Variants in CSMD1 observed in about 807,000 individuals in gnomAD.
The protein encoded by CSMD1 is CUB and sushi domain-containing protein 1.
CSMD1 carries 213 observed loss-of-function variants against 417.5 expected under a neutral mutation model. That is an observed-to-expected ratio of 0.51 (90% CI 0.46 to 0.57). CSMD1 has a LOEUF of 0.57. Ranked by LOEUF, CSMD1 falls within the 20% of genes least tolerant of loss-of-function variation. The pLI is 0.00. For synonymous variants in CSMD1, 2,862 were observed against 1,736.8 expected (o/e 1.65, Z -16.11); for missense variants, 6,923 against 4,529.7 (o/e 1.53, Z -15.17).
chr8:4,305,520 G>A (rs1343423719), intron 3 of CSMD1, among the ~76,000 whole-genome samples: 5 of 152,204 alleles, frequency 3.3e-5, no homozygotes, highest in Non-Finnish European at 7.3e-5. Flanking sequence ...GCAGAGCGGT[G>A]TCACAGAACA....
chr8:4,601,376 A>G (rs1274167957), intron 2 of CSMD1, among the ~76,000 whole-genome samples: 1 of 152,206 alleles, frequency 6.6e-6, no homozygotes, highest in South Asian at 2.1e-4. Context: ...AGTGTCTGTT[A>G]TCATGGCATT....
At position 3,591,480 on chromosome 8, in the gene CSMD1, T is replaced by C. The variant is rs574267844; in HGVS notation, c.1098-5220A>G. On this transcript the variant is annotated intron_variant, in intron 8 of 69. Transcript: ENST00000635120. ...TTTGAGAACTTATTAAACATTGGTA[T>C]CATAACTATTTTTGAAAAATAATTT... Among the ~76,000 whole-genome samples the C allele has an allele frequency of 2.6e-5, 4 of 152,324 alleles. No homozygotes were observed. In the East Asian group the frequency reaches 5.8e-4, roughly 22 times the overall value.
chr8:4,520,086 G>A (rs970353536), intron 2 of CSMD1, among the ~76,000 whole-genome samples: 6 of 152,024 alleles, frequency 3.9e-5, no homozygotes, highest in Non-Finnish European at 7.4e-5. Flanking sequence ...TTACAGTATT[G>A]CATTTAGTCA....
chr8:4,746,333 C>G (rs1168209114), intron 1 of CSMD1, among the ~76,000 whole-genome samples: 1 of 152,186 alleles, frequency 6.6e-6, no homozygotes, highest in Non-Finnish European at 1.5e-5. Context: ...ACTGTAGGCA[C>G]TTTGGCAGGG....
intron 5 of CSMD1, among the ~76,000 whole-genome samples, chr8:3,904,057 T>C (rs1271772124): frequency 1.3e-5 from 2 of 152,192 alleles, no homozygotes; most frequent in African/African-American, 4.8e-5. Flanking sequence ...CCTGATTTCC[T>C]GCAGGTGTGA....
chr8:3,429,278 T>C (rs1814056464), intron 12 of CSMD1, among the ~76,000 whole-genome samples: 1 of 152,204 alleles, frequency 6.6e-6, no homozygotes, highest in Non-Finnish European at 1.5e-5. Flanking sequence ...AAATATGTAC[T>C]GAAGCATAAA....
intron 3 of CSMD1, among the ~76,000 whole-genome samples, chr8:4,046,751 A>G (rs1798167659): frequency 6.6e-6 from 1 of 152,184 alleles, no homozygotes; most frequent in South Asian, 2.1e-4. Context: ...TGTTTCCCCC[A>G]TAACACACAC....
rs62480082 is a variant in CSMD1 at position 3,908,936 on chromosome 8, C to T, written c.818+88967G>A. Among the ~76,000 whole-genome samples the T allele has an allele frequency of 1.0e-3, 152 of 152,278 alleles. 3 individuals are homozygous for T. In the East Asian group the frequency reaches 0.021, roughly 21 times the overall value. On this transcript the variant is annotated intron_variant, in intron 5 of 69. Transcript: ENST00000635120. Reference sequence around the variant, plus strand: ...ATCTATCTTGCTTTGCAAGCGCTGGCAAACAGGGCTCCTTCACTACTGTTC... The same window carrying T: ...ATCTATCTTGCTTTGCAAGCGCTGGTAAACAGGGCTCCTTCACTACTGTTC...
At chr8:3,382,201 G>C (rs1295321666) in intron 18 of CSMD1, among the ~76,000 whole-genome samples, 1 of 151,878 alleles carries the variant, frequency 6.6e-6, no homozygotes, top group South Asian at 2.1e-4. Context: ...GGAGGTTTTA[G>C]TGAGCCGAGA....
chr8:4,730,606 T>A lies in CSMD1; in HGVS notation c.86-93048A>T, dbSNP rs538456970. 2.6e-5 allele frequency among the ~76,000 whole-genome samples: 4 copies of A among 152,080 alleles called. No homozygotes were observed. The South Asian group carries it at 8.3e-4, about 32-fold the overall frequency. ...ATACAAAAAAATTAGCCGGGCGTGGTGGCGGGCGCCTGTAGTCCCAGCTAC... is the reference window on the plus strand; with the variant it reads ...ATACAAAAAAATTAGCCGGGCGTGGAGGCGGGCGCCTGTAGTCCCAGCTAC... On this transcript the variant is annotated intron_variant, in intron 1 of 69. Coordinates refer to ENST00000635120, the MANE Select transcript of CSMD1 (RefSeq NM_033225.6).
In CSMD1 at chr8:3,219,876, C is replaced by G. The variant is rs991842200; in HGVS notation, c.4485-434G>C. Among the ~76,000 whole-genome samples, 11 of 152,076 alleles carry G rather than the reference C, an allele frequency of 7.2e-5. No homozygotes were observed. The South Asian group carries it at 1.2e-3, about 17-fold the overall frequency. ...TGGAATTTTGAAAATATTGCAATTT[C>G]AAAATATTGGAATAGTCAGTAGAAT... On this transcript the variant is annotated intron_variant, in intron 28 of 69. Coordinates refer to ENST00000635120, the MANE Select transcript of CSMD1 (RefSeq NM_033225.6).
At chr8:3,894,061 C>A (rs73495921) in intron 5 of CSMD1, among the ~76,000 whole-genome samples, 2,443 of 152,176 alleles carry the variant, frequency 0.016, 65 homozygotes, top group African/African-American at 0.052. Context: ...CTGCCACATC[C>A]TCACAAGCAG....
chr8:3,824,758 T>C (rs115298450), intron 5 of CSMD1, among the ~76,000 whole-genome samples: 1,791 of 152,222 alleles, frequency 0.012, 36 homozygotes, highest in African/African-American at 0.04. Flanking sequence ...GTGGCTCACA[T>C]TGGTGGCTCA....
chr8:3,729,382 G>A (rs1802688886), intron 6 of CSMD1, among the ~76,000 whole-genome samples: 1 of 152,168 alleles, frequency 6.6e-6, no homozygotes, highest in East Asian at 1.9e-4. Flanking sequence ...CTTGGGCTCA[G>A]TTGTGCTCAG....
chr8:3,295,701 C>T (rs535719481), intron 25 of CSMD1, among the ~76,000 whole-genome samples: 2 of 151,984 alleles, frequency 1.3e-5, no homozygotes, highest in African/African-American at 2.4e-5. Context: ...TATGTATTGC[C>T]CTTGTTTTAT....
At chr8:4,951,222 T>G (rs1438421847) in intron 1 of CSMD1, among the ~76,000 whole-genome samples, 2 of 152,106 alleles carry the variant, frequency 1.3e-5, no homozygotes. Flanking sequence ...TCCACATTAA[T>G]CCACAAAGAA....
intron 1 of CSMD1, among the ~76,000 whole-genome samples, chr8:4,838,335 T>A (rs1800624985): frequency 6.6e-6 from 1 of 152,154 alleles, no homozygotes; most frequent in Admixed American, 6.5e-5. Context: ...ATTAACAGGG[T>A]AGCTTTGCCT....
chr8:4,316,108 T>C (rs1585217321), intron 3 of CSMD1, among the ~76,000 whole-genome samples: 1 of 152,304 alleles, frequency 6.6e-6, no homozygotes, highest in South Asian at 2.1e-4. Flanking sequence ...CCACTCATTA[T>C]TGTTAACCCT....
chr8:3,451,223 T>A (rs1260469966), intron 12 of CSMD1, among the ~76,000 whole-genome samples: 1 of 152,240 alleles, frequency 6.6e-6, no homozygotes, highest in Non-Finnish European at 1.5e-5. Flanking sequence ...TAGCCCTTTG[T>A]CAGATGAGTA....
Sources: allele counts gnomAD v4.1 joint callset (sites outside exome capture counted in the v4.1 genomes callset), GRCh38; gene constraint gnomAD v4.1.1; transcripts MANE v1.5; gene names NCBI Gene and HGNC (gene_info 2026-07-23, HGNC 2026-07-21).